Variants in DCDC1 observed in about 807,000 individuals in gnomAD.
DCDC1 encodes doublecortin domain containing 1.
A neutral mutation model predicts 178.3 loss-of-function variants in DCDC1; 200 were observed. That is an observed-to-expected ratio of 1.12 (90% CI 1.00 to 1.26). DCDC1 has a LOEUF of 1.26. Ranked by LOEUF, DCDC1 falls within the 50% of genes most tolerant of loss-of-function variation. The pLI is 0.00. For synonymous variants in DCDC1, 690 were observed against 604.8 expected, an observed-to-expected ratio of 1.14 and a Z score of -2.07; for missense variants, 1,983 against 1,749.2, an observed-to-expected ratio of 1.13 and a Z score of -2.38.
intron 20 of DCDC1, among the ~76,000 whole-genome samples, chr11:31,005,950 C>T (rs1253842497): frequency 6.1e-5 from 7 of 115,516 alleles, no homozygotes; most frequent in Non-Finnish European, 1.2e-4. Context: ...GCTCTTATTC[C>T]TGAAAAAAAA....
Position 31,176,761 on chromosome 11 carries a change from AG to A in DCDC1, c.1222-38978del, listed in dbSNP as rs749596287. Among the ~76,000 whole-genome samples the A allele has an allele frequency of 3.3e-5, 5 of 151,098 alleles. No individual in the cohort carries two copies. The East Asian group carries it at 9.6e-4, about 29-fold the overall frequency. ...TGGGATAATACATTCAAAGTTCTGA[AG>A]GAAAAAAAATACTCAGCAAAGAATA... is the stretch of plus-strand genomic sequence containing the variant. On this transcript the variant is annotated intron_variant, in intron 9 of 38. Transcript: ENST00000684477.
At chr11:31,107,459 T>C (rs895718110) in intron 12 of DCDC1, among the ~76,000 whole-genome samples, 1 of 152,134 alleles carries the variant, frequency 6.6e-6, no homozygotes, top group African/African-American at 2.4e-5. Flanking sequence ...CTTACAAAGA[T>C]CTCTCCCTAG....
intron 5 of DCDC1, 92 bp from the exon 6 acceptor site, chr11:31,305,869 A>T (rs946973925): frequency 4.2e-6 from 6 of 1,427,304 alleles, no homozygotes; most frequent in Non-Finnish European, 5.6e-6. Flanking sequence ...ATCAAAATAG[A>T]AACCCAATTG....
intron 6 of DCDC1, among the ~76,000 whole-genome samples, chr11:31,300,547 G>T (rs773795622): frequency 3.9e-5 from 6 of 152,026 alleles, no homozygotes; most frequent in Non-Finnish European, 8.8e-5. Flanking sequence ...CAGACACAGG[G>T]ACTAGAATCT....
At chr11:31,046,987 T>G (rs1345437331) in intron 20 of DCDC1, among the ~76,000 whole-genome samples, 1 of 152,178 alleles carries the variant, frequency 6.6e-6, no homozygotes, top group Admixed American at 6.6e-5. Context: ...ATCCTTCTTC[T>G]GGTTCCAGAC....
chr11:31,213,901 T>A (rs1043787185), intron 9 of DCDC1, among the ~76,000 whole-genome samples: 1 of 151,978 alleles, frequency 6.6e-6, no homozygotes, highest in Non-Finnish European at 1.5e-5. Flanking sequence ...TTGTTGAGTG[T>A]GTACACATGT....
chr11:31,179,334 C>A (rs2136274873), intron 9 of DCDC1, among the ~76,000 whole-genome samples: 1 of 152,206 alleles, frequency 6.6e-6, no homozygotes, highest in East Asian at 1.9e-4. Flanking sequence ...GGATATATAT[C>A]AAAACAGAAT....
chr11:31,070,098 A>C (rs2135517403), intron 18 of DCDC1, among the ~76,000 whole-genome samples: 1 of 152,286 alleles, frequency 6.6e-6, no homozygotes, highest in African/African-American at 2.4e-5. Context: ...TTCCCTTTGG[A>C]GTCATCCTAA....
intron 9 of DCDC1, among the ~76,000 whole-genome samples, chr11:31,175,393 A>G (rs932000008): frequency 1.3e-5 from 2 of 152,234 alleles, no homozygotes; most frequent in Non-Finnish European, 2.9e-5. Context: ...CATGTGGCAC[A>G]CCATTCTCCC....
At chr11:31,035,936 T>C (rs1418898554) in intron 20 of DCDC1, among the ~76,000 whole-genome samples, 1 of 152,228 alleles carries the variant, frequency 6.6e-6, no homozygotes, top group Non-Finnish European at 1.5e-5. Flanking sequence ...TAAATATTTA[T>C]CTTAAGTTGT....
In DCDC1 at chr11:30,888,162, G is replaced by GAAA. The variant is rs1565030599; in HGVS notation, c.5082+4655_5082+4656insTTT. Reference sequence around the variant, plus strand: ...AGAAAGAAAGAAAGAAAGAAAGAAAGGGAAAGAAAGAAAGAGAAAGGAAGG... The same window carrying GAAA: ...AGAAAGAAAGAAAGAAAGAAAGAAAGAAAGGAAAGAAAGAAAGAGAAAGGAAGG... On this transcript the variant is annotated intron_variant, in intron 36 of 38. Coordinates refer to ENST00000684477, the MANE Select transcript of DCDC1 (RefSeq NM_001387274.1). Among the ~76,000 whole-genome samples, 25 of 121,194 alleles carry GAAA rather than the reference G, an allele frequency of 2.1e-4. 1 individual carries two copies. The highest frequency in any genetic ancestry group is 7.8e-4 in the African/African-American group (22 of 28,354). 79.5% of individuals were successfully genotyped at this position (121,194 alleles called of 152,430 possible). A position where few individuals can be genotyped will look rare whatever the true frequency, so the allele number is the denominator to read the frequency against.
intron 20 of DCDC1, among the ~76,000 whole-genome samples, chr11:31,019,789 C>G (rs1424861800): frequency 6.6e-6 from 1 of 152,152 alleles, no homozygotes; most frequent in Admixed American, 6.6e-5. Flanking sequence ...CCAGTCAAAT[C>G]TGCTTTTCTG....
At chr11:31,121,605 G>A (rs1367745730) in intron 11 of DCDC1, among the ~76,000 whole-genome samples, 1 of 151,524 alleles carries the variant, frequency 6.6e-6, no homozygotes, top group Non-Finnish European at 1.5e-5. Context: ...GAAAAGCTCA[G>A]TGAAGAGGTT....
At chr11:31,168,848 TA>T (rs1251777709) in intron 9 of DCDC1, among the ~76,000 whole-genome samples, 2 of 152,160 alleles carry the variant, frequency 1.3e-5, no homozygotes, top group African/African-American at 4.8e-5. Flanking sequence ...TAATAAACAT[TA>T]ATTATGCAAT....
At chr11:31,323,543 T>C (rs1949484994) in intron 3 of DCDC1, among the ~76,000 whole-genome samples, 1 of 152,312 alleles carries the variant, frequency 6.6e-6, no homozygotes, top group Non-Finnish European at 1.5e-5. Flanking sequence ...TAGTGTATAT[T>C]TGACAAGCAT....
intron 3 of DCDC1, among the ~76,000 whole-genome samples, chr11:31,309,784 T>C (rs1948662791): frequency 6.6e-6 from 1 of 152,176 alleles, no homozygotes; most frequent in South Asian, 2.1e-4. Flanking sequence ...GGCAAAAGGT[T>C]TTTACTTTTT....
chr11:31,038,696 G>A (rs1322641917), intron 20 of DCDC1, among the ~76,000 whole-genome samples: 1 of 152,192 alleles, frequency 6.6e-6, no homozygotes, highest in East Asian at 1.9e-4. Context: ...TTGTGTCAAT[G>A]TGTCTTTGTG....
chr11:31,146,522 C>T lies in DCDC1; in HGVS notation c.1222-8738G>A, dbSNP rs865795722. On this transcript the variant is annotated intron_variant, in intron 9 of 38. Transcript: ENST00000684477. The stretch of plus-strand genomic sequence containing the variant: ...ATCCTCAAGGTGTTGGGGGAAGGGG[C>T]CTCTGATGTTGTGCTGCCCTTTGGA... Among the ~76,000 whole-genome samples, 8 of 152,240 alleles carry T rather than the reference C, an allele frequency of 5.3e-5. No individual in the cohort carries two copies. The South Asian group carries it at 6.2e-4, about 12-fold the overall frequency.
At chr11:30,890,472 C>T (rs1943673627) in intron 36 of DCDC1, among the ~76,000 whole-genome samples, 1 of 152,218 alleles carries the variant, frequency 6.6e-6, no homozygotes, top group Non-Finnish European at 1.5e-5. Flanking sequence ...AGAGCCTTGT[C>T]TGCCACCCTA....
Sources: allele counts gnomAD v4.1 joint callset (sites outside exome capture counted in the v4.1 genomes callset), GRCh38; gene constraint gnomAD v4.1.1; transcripts MANE v1.5; gene names NCBI Gene and HGNC (gene_info 2026-07-23, HGNC 2026-07-21).